The following IL1RAPL1 variants were observed in gnomAD, a reference collection of about 807,000 sequenced individuals.
The protein encoded by IL1RAPL1 is interleukin-1 receptor accessory protein-like 1.
IL1RAPL1 carries 3 observed loss-of-function variants against 48.4 expected under a neutral mutation model. The ratio of observed to expected loss-of-function variants is 0.06; its 90% CI spans 0.03 to 0.16. The LOEUF is 0.16. Ranked by LOEUF, IL1RAPL1 falls within the 10% of genes least tolerant of loss-of-function variation. The pLI is 1.00. For synonymous variants in IL1RAPL1, 185 were observed against 187.7 expected, an observed-to-expected ratio of 0.99 and a Z score of 0.12; for missense variants, 349 against 530.6, an observed-to-expected ratio of 0.66 and a Z score of 3.36.
chrX:29,361,290 A>G (rs1933372292), intron 3 of IL1RAPL1, among the ~76,000 whole-genome samples: 1 of 111,509 alleles, frequency 9.0e-6, no homozygotes, highest in Non-Finnish European at 1.9e-5. Context: ...AAATGGAAGA[A>G]ATGTGTAAGT....
intron 6 of IL1RAPL1, among the ~76,000 whole-genome samples, chrX:29,703,086 T>G (rs1234541899): frequency 8.9e-6 from 1 of 111,961 alleles, no homozygotes; most frequent in Non-Finnish European, 1.9e-5. Context: ...TGTTTCCAAA[T>G]TATTAAAATG....
chrX:29,703,102 A>C (rs1204872156), intron 6 of IL1RAPL1, among the ~76,000 whole-genome samples: 1 of 111,865 alleles, frequency 8.9e-6, no homozygotes, highest in Non-Finnish European at 1.9e-5. Flanking sequence ...AAATGATTTG[A>C]AAATATATTT....
At chrX:29,802,486 A>C (rs936348768) in intron 6 of IL1RAPL1, among the ~76,000 whole-genome samples, 4 of 108,836 alleles carry the variant, frequency 3.7e-5, no homozygotes, top group Non-Finnish European at 7.6e-5. Flanking sequence ...AGAAACAACG[A>C]TGTTACCAAA....
At chrX:29,506,432 T>TCTCCCCCTC (rs1556025722) in intron 5 of IL1RAPL1, among the ~76,000 whole-genome samples, 11 of 21,531 alleles carry the variant, frequency 5.1e-4, no homozygotes, top group African/African-American at 1.8e-3. Context: ...TTCTTCTCCT[T>TCTCCCCCTC]CTCCTTCTCC....
At chrX:28,905,333 T>C (rs1369487999) in intron 2 of IL1RAPL1, among the ~76,000 whole-genome samples, 1 of 111,845 alleles carries the variant, frequency 8.9e-6, no homozygotes, top group Non-Finnish European at 1.9e-5. Context: ...CTGTGGACCT[T>C]CATCTCAGTG....
At chrX:29,138,884 T>C (rs1270364906) in intron 2 of IL1RAPL1, among the ~76,000 whole-genome samples, 1 of 111,452 alleles carries the variant, frequency 9.0e-6, no homozygotes, top group East Asian at 2.8e-4. Flanking sequence ...ATGTTATAAT[T>C]TGTGTTTGAA....
Position 29,001,897 on chromosome X carries a change from C to A in IL1RAPL1, c.82+212472C>A, listed in dbSNP as rs190455098. Among the ~76,000 whole-genome samples the A allele has an allele frequency of 1.6e-3, 144 of 90,136 alleles. 2 individuals carry two copies. Among genetic ancestry groups the A allele is most frequent in the African/African-American group, 5.6e-3 (138 of 24,780 alleles). 78.3% of individuals were successfully genotyped at this position (90,136 alleles called of 115,157 possible). On this transcript the variant is annotated intron_variant, in intron 2 of 10. Coordinates refer to ENST00000378993, the MANE Select transcript of IL1RAPL1 (RefSeq NM_014271.4). ...TGTGGTAAATTCACACAATGAAGAA[C>A]TTTTTTTTTTTTTTTTTTTAACGGA...
intron 5 of IL1RAPL1, among the ~76,000 whole-genome samples, chrX:29,608,241 CAAAAG>C (rs1923958735): frequency 1.8e-5 from 2 of 111,639 alleles, no homozygotes; most frequent in African/African-American, 6.5e-5. Context: ...GTCAAGATTG[CAAAAG>C]TAGAAGCTTC....
intron 2 of IL1RAPL1, among the ~76,000 whole-genome samples, chrX:28,996,153 G>A (rs1046338378): frequency 1.8e-5 from 2 of 110,994 alleles, no homozygotes; most frequent in East Asian, 2.8e-4. Flanking sequence ...ACTACCAGTC[G>A]ACTTTCTGTC....
chrX:29,204,361 C>T (rs756721502), intron 2 of IL1RAPL1, among the ~76,000 whole-genome samples: 15 of 111,827 alleles, frequency 1.3e-4, no homozygotes, highest in South Asian at 7.5e-4. Flanking sequence ...TTCCCCTTTC[C>T]GCACATCCTT....
At chrX:29,529,689 G>C (rs1052167119) in intron 5 of IL1RAPL1, among the ~76,000 whole-genome samples, 1 of 109,844 alleles carries the variant, frequency 9.1e-6, no homozygotes, top group African/African-American at 3.3e-5. Context: ...ACTGAACTGT[G>C]GTTATATAAG....
intron 5 of IL1RAPL1, among the ~76,000 whole-genome samples, chrX:29,484,982 A>G (rs1357280606): frequency 8.9e-6 from 1 of 112,137 alleles, no homozygotes; most frequent in African/African-American, 3.2e-5. Flanking sequence ...CAATCACTAA[A>G]GGATTAACAC....
In IL1RAPL1 at chrX:29,548,247, A is replaced by G. The variant is rs184837038; in HGVS notation, c.704-120183A>G. ...TTTCTCGTATTATGCTGCAGGTTTTATGCTGACAAGGAACACTTAATGTGT... is the reference window on the plus strand; with the variant it reads ...TTTCTCGTATTATGCTGCAGGTTTTGTGCTGACAAGGAACACTTAATGTGT... On this transcript the variant is annotated intron_variant, in intron 5 of 10. Coordinates refer to ENST00000378993, the MANE Select transcript of IL1RAPL1 (RefSeq NM_014271.4). Among the ~76,000 whole-genome samples, 8 of 112,625 alleles carry G rather than the reference A, an allele frequency of 7.1e-5. No homozygotes were observed. The Admixed American group carries it at 7.5e-4, about 11-fold the overall frequency.
rs745903080 is a variant in IL1RAPL1 at position 29,022,826 on chromosome X, C to T, written c.82+233401C>T. 3.7e-5 allele frequency among the ~76,000 whole-genome samples: 4 copies of T among 108,434 alleles called. No homozygotes were observed. The South Asian group carries it at 1.7e-3, about 45-fold the overall frequency. The allele number at this position is 108,434 out of a possible 115,157, so 94.2% of individuals were successfully genotyped here. ...ACAAGATCCAATAGATTAACTTTAA[C>T]TCTTTATCACCAATCTATAGGCTTC... On this transcript the variant is annotated intron_variant, in intron 2 of 10. Coordinates refer to ENST00000378993, the MANE Select transcript of IL1RAPL1 (RefSeq NM_014271.4).
chrX:29,601,261 T>C (rs1251180576), intron 5 of IL1RAPL1, among the ~76,000 whole-genome samples: 2 of 112,598 alleles, frequency 1.8e-5, no homozygotes, highest in Non-Finnish European at 3.7e-5. Context: ...TTTCCAGTTA[T>C]AACATTTAGT....
intron 2 of IL1RAPL1, among the ~76,000 whole-genome samples, chrX:29,153,991 T>G (rs1403449411): frequency 8.9e-6 from 1 of 112,262 alleles, no homozygotes; most frequent in Admixed American, 9.5e-5. Flanking sequence ...CTCTTTGCTT[T>G]TCTTGCGAAG....
chrX:28,790,483 G>A (rs899309122), intron 2 of IL1RAPL1, among the ~76,000 whole-genome samples: 19 of 112,794 alleles, frequency 1.7e-4, no homozygotes, highest in African/African-American at 6.1e-4. Flanking sequence ...CTCTGCTCTC[G>A]TGAGCCCCTC....
At chrX:29,732,979 A>G (rs187505772) in intron 6 of IL1RAPL1, among the ~76,000 whole-genome samples, 2 of 111,031 alleles carry the variant, frequency 1.8e-5, no homozygotes, top group African/African-American at 6.5e-5. Context: ...GTGATATCTT[A>G]TATTTTATGG....
At chrX:29,142,726 G>C (rs185992115) in intron 2 of IL1RAPL1, among the ~76,000 whole-genome samples, 1,204 of 106,285 alleles carry the variant, frequency 0.011, 17 homozygotes, top group African/African-American at 0.039. Context: ...ACACAGTCTT[G>C]CTCTTGCTCT....
Sources: gnomAD v4.1 joint callset for allele counts (sites outside exome capture counted in the v4.1 genomes callset) on GRCh38, gnomAD v4.1.1 for gene constraint, MANE v1.5 for transcripts, NCBI Gene and HGNC (gene_info 2026-07-23, HGNC 2026-07-21) for gene names.